CLSTN2: variants seen among roughly 807,000 people sequenced by gnomAD.
CLSTN2 encodes the protein calsyntenin 2.
A neutral mutation model predicts 101.2 loss-of-function variants in CLSTN2; 48 were observed. The ratio of observed to expected loss-of-function variants is 0.47; its 90% CI spans 0.38 to 0.60. CLSTN2 has a LOEUF of 0.60. CLSTN2 is among the 20% of genes least tolerant of loss of function. CLSTN2 has a pLI of 0.00. For missense variants in CLSTN2, 1,160 were observed against 1,238.2 expected, an observed-to-expected ratio of 0.94 and a Z score of 0.95; for synonymous variants, 481 against 463.6, an observed-to-expected ratio of 1.04 and a Z score of -0.48.
At chr3:140,219,957 G>A (rs2086251973) in intron 2 of CLSTN2, among the ~76,000 whole-genome samples, 1 of 152,112 alleles carries the variant, frequency 6.6e-6, no homozygotes, top group African/African-American at 2.4e-5. Context: ...TTCAACCCCA[G>A]GAGGAATATC....
intron 1 of CLSTN2, among the ~76,000 whole-genome samples, chr3:140,088,336 T>C (rs984556028): frequency 6.6e-6 from 1 of 152,216 alleles, no homozygotes; most frequent in Admixed American, 6.5e-5. Flanking sequence ...AGACAGTTTG[T>C]AATCCAGGGT....
At chr3:140,528,442 C>A (rs1935187200) in intron 8 of CLSTN2, among the ~76,000 whole-genome samples, 2 of 152,192 alleles carry the variant, frequency 1.3e-5, no homozygotes, top group South Asian at 4.1e-4. Context: ...TGGCACCTTG[C>A]ACAAATCTGT....
At chr3:140,232,540 C>T (rs2350514) in intron 2 of CLSTN2, among the ~76,000 whole-genome samples, 57,333 of 151,850 alleles carry the variant, frequency 0.38, 13,059 homozygotes, top group Non-Finnish European at 0.53. Context: ...ACAGTTCCTA[C>T]GGGCTGATGT....
At chr3:140,188,554 A>G (rs889508391) in intron 2 of CLSTN2, among the ~76,000 whole-genome samples, 1 of 152,166 alleles carries the variant, frequency 6.6e-6, no homozygotes, top group Non-Finnish European at 1.5e-5. Context: ...CACCATGCAC[A>G]TGCTTAAGGT....
Position 140,352,907 on chromosome 3 carries a change from G to T in CLSTN2, c.233-50722G>T, listed in dbSNP as rs180999590. Among the ~76,000 whole-genome samples the T allele has an allele frequency of 1.3e-4, 20 of 152,144 alleles. No individual in the cohort carries two copies. The East Asian group carries it at 3.3e-3, about 25-fold the overall frequency. ...TACAGTTGGCCCTCCATATCCATAA[G>T]TTCCTCAACTGTGGATTTAACCAAA... On this transcript the variant is annotated intron_variant, in intron 2 of 16. Transcript: ENST00000458420.
chr3:140,547,845 T>C (rs965462372), intron 10 of CLSTN2, among the ~76,000 whole-genome samples: 2 of 152,152 alleles, frequency 1.3e-5, no homozygotes, highest in Admixed American at 6.5e-5. Flanking sequence ...CGGCCTCCTC[T>C]GGAAGTTGGA....
intron 4 of CLSTN2, among the ~76,000 whole-genome samples, chr3:140,412,727 T>G (rs1326706600): frequency 2.0e-5 from 3 of 152,126 alleles, no homozygotes; most frequent in Non-Finnish European, 4.4e-5. Context: ...AAACTAGAAA[T>G]CAATAGCAGG....
At chr3:140,462,306 G>A (rs560347762) in intron 7 of CLSTN2, among the ~76,000 whole-genome samples, 2 of 152,228 alleles carry the variant, frequency 1.3e-5, no homozygotes, top group East Asian at 3.9e-4. Context: ...ACTCTGCCAT[G>A]TAGATTTATC....
intron 5 of CLSTN2, among the ~76,000 whole-genome samples, chr3:140,436,644 A>C (rs2088690595): frequency 6.6e-6 from 1 of 152,240 alleles, no homozygotes; most frequent in Non-Finnish European, 1.5e-5. Context: ...AGTCCTGGCC[A>C]CATGAGCAGC....
intron 2 of CLSTN2, among the ~76,000 whole-genome samples, chr3:140,196,343 G>A (rs2010643172): frequency 6.6e-6 from 1 of 152,228 alleles, no homozygotes; most frequent in South Asian, 2.1e-4. Context: ...GAGGGCTAAG[G>A]TGCAGATGTA....
At chr3:140,337,658 T>A (rs1204589725) in intron 2 of CLSTN2, among the ~76,000 whole-genome samples, 5 of 152,182 alleles carry the variant, frequency 3.3e-5, no homozygotes, top group Non-Finnish European at 5.9e-5. Flanking sequence ...GTGTCACAGC[T>A]AATGGAGATA....
chr3:140,227,870 C>G (rs551593192), intron 2 of CLSTN2, among the ~76,000 whole-genome samples: 3 of 152,292 alleles, frequency 2.0e-5, no homozygotes, highest in African/African-American at 7.2e-5. Context: ...GCTGGAGTGG[C>G]TGGGACACAG....
chr3:139,964,718 C>T (rs1187371033), intron 1 of CLSTN2, among the ~76,000 whole-genome samples: 1 of 152,108 alleles, frequency 6.6e-6, no homozygotes, highest in Admixed American at 6.5e-5. Flanking sequence ...TGTGTCTTCT[C>T]CCAGGAACCT....
intron 1 of CLSTN2, among the ~76,000 whole-genome samples, chr3:140,174,157 T>C (rs534598667): frequency 6.6e-6 from 1 of 152,310 alleles, no homozygotes; most frequent in South Asian, 2.1e-4. Context: ...CTTTGCTGCT[T>C]AGAAATTTCT....
At chr3:140,037,166 C>G (rs913332488) in intron 1 of CLSTN2, among the ~76,000 whole-genome samples, 4 of 151,926 alleles carry the variant, frequency 2.6e-5, no homozygotes, top group African/African-American at 4.8e-5. Context: ...TGTAAAAAAA[C>G]TTTTGAGCCC....
intron 1 of CLSTN2, among the ~76,000 whole-genome samples, chr3:139,998,427 C>T (rs372749585): frequency 6.8e-5 from 10 of 146,898 alleles, no homozygotes; most frequent in Admixed American, 2.8e-4. Context: ...CTCCGCCTCC[C>T]GGGTTCACGC....
intron 1 of CLSTN2, among the ~76,000 whole-genome samples, chr3:140,025,375 G>T (rs562671398): frequency 7.2e-5 from 11 of 152,276 alleles, no homozygotes; most frequent in Admixed American, 2.0e-4. Context: ...GAGTTCTGGG[G>T]GCTCTGGGCT....
Position 140,466,620 on chromosome 3 carries a change from G to T in CLSTN2, c.1233G>T (p.Arg411=). The T allele has an allele frequency of 6.2e-7, 1 of 1,614,080 alleles. No individual in the cohort carries two copies. Residue 411 remains arginine, a synonymous_variant, in exon 8 of 17, where the codon CGG becomes CGT. Coordinates refer to ENST00000458420, the MANE Select transcript of CLSTN2 (RefSeq NM_022131.3). ...CTTTCTGCTTTTCAGAAATGAACCG[G>T]CATCACTATGCCCTGTATGTGCACA... ...LCNSDKTEMN[R]HHYALYVHNC... is the part of the protein sequence containing the mutation.
intron 10 of CLSTN2, among the ~76,000 whole-genome samples, chr3:140,555,315 G>A (rs1480298779): frequency 6.6e-6 from 1 of 152,148 alleles, no homozygotes; most frequent in African/African-American, 2.4e-5. Context: ...TGCAGGGAAG[G>A]GTACCATAAG....
Sources: gnomAD v4.1 joint callset for allele counts (sites outside exome capture counted in the v4.1 genomes callset) on GRCh38, gnomAD v4.1.1 for gene constraint, MANE v1.5 for transcripts, NCBI Gene and HGNC (gene_info 2026-07-23, HGNC 2026-07-21) for gene names.